Variants in TPD52L1 observed in about 807,000 individuals in gnomAD.
TPD52L1 encodes the protein TPD52 like 1.
TPD52L1 carries 18 observed loss-of-function variants against 28.7 expected under a neutral mutation model. That is an observed-to-expected ratio of 0.63 (90% CI 0.43 to 0.93). TPD52L1 has a LOEUF of 0.93. TPD52L1 is among the 40% of genes least tolerant of loss of function. The probability of loss-of-function intolerance (pLI) is 0.00; values close to 1 mark genes in which losing one functional copy is unlikely to be tolerated. For missense variants in TPD52L1, 203 were observed against 254.8 expected, an observed-to-expected ratio of 0.80 and a Z score of 1.39; for synonymous variants, 75 against 88.8, an observed-to-expected ratio of 0.84 and a Z score of 0.88.
At chr6:125,208,813 C>A in intron 1 of TPD52L1, 1 of 635,588 alleles carries the variant, frequency 1.6e-6, no homozygotes, top group Non-Finnish European at 2.0e-6. Context: ...GGGCCAGGTG[C>A]TGAGAGAGTG....
At chr6:125,168,811 T>A (rs1245579633) in intron 1 of TPD52L1, among the ~76,000 whole-genome samples, 1 of 152,128 alleles carries the variant, frequency 6.6e-6, no homozygotes, top group African/African-American at 2.4e-5. Flanking sequence ...AGATTTTTAT[T>A]TGTTCTTTTT....
In TPD52L1 at chr6:125,263,306, A is replaced by G; in HGVS notation, c.*344A>G. The G allele has an allele frequency of 4.0e-6, 1 of 252,860 alleles. No homozygotes were observed. Among genetic ancestry groups the G allele is most frequent in the South Asian group, 5.4e-5 (1 of 18,646 alleles). The allele number at this position is 252,860 out of a possible 1,614,324, so 15.7% of individuals were successfully genotyped here. A position where few individuals can be genotyped will look rare whatever the true frequency, so the allele number is the denominator to read the frequency against. On this transcript the variant is annotated 3_prime_UTR_variant, in exon 7 of 7. Transcript: ENST00000534000. ...CTTTGATTTTTGCTTGGCCTCCTTT[A>G]TGATGTGCATGTCCTTGAAGGCTGA...
chr6:125,179,763 C>A (rs894488011), intron 1 of TPD52L1, among the ~76,000 whole-genome samples: 2 of 152,100 alleles, frequency 1.3e-5, no homozygotes, highest in African/African-American at 4.8e-5. Flanking sequence ...TTTTTCTGTT[C>A]ATTCAGTTAT....
chr6:125,238,768 A>G (rs1259748382), intron 3 of TPD52L1, among the ~76,000 whole-genome samples: 1 of 152,264 alleles, frequency 6.6e-6, no homozygotes, highest in Non-Finnish European at 1.5e-5. Flanking sequence ...ATTTAAATGT[A>G]GTAGTTTTGG....
chr6:125,250,528 A>T (rs937154632), intron 4 of TPD52L1, among the ~76,000 whole-genome samples: 1 of 152,236 alleles, frequency 6.6e-6, no homozygotes, highest in African/African-American at 2.4e-5. Context: ...GCAGTTTTTT[A>T]TCTTTAAGTG....
chr6:125,217,131 AC>A (rs1582948995), intron 1 of TPD52L1, among the ~76,000 whole-genome samples: 1 of 152,160 alleles, frequency 6.6e-6, no homozygotes, highest in East Asian at 1.9e-4. Context: ...ATGGAGTATG[AC>A]CATTGATCCT....
intron 5 of TPD52L1, among the ~76,000 whole-genome samples, chr6:125,254,878 A>G (rs931316270): frequency 4.6e-5 from 7 of 152,166 alleles, no homozygotes; most frequent in African/African-American, 1.7e-4. Context: ...TAATTAGATA[A>G]ATGTCTGTTC....
chr6:125,237,461 AG>A (rs1796335294), intron 3 of TPD52L1, among the ~76,000 whole-genome samples: 1 of 152,194 alleles, frequency 6.6e-6, no homozygotes, highest in South Asian at 2.1e-4. Flanking sequence ...TGAAAGAAAC[AG>A]AAAGGTTAAA....
chr6:125,167,038 C>A (rs548692745), intron 1 of TPD52L1, among the ~76,000 whole-genome samples: 1 of 152,218 alleles, frequency 6.6e-6, no homozygotes, highest in East Asian at 1.9e-4. Flanking sequence ...AGGAGGACTG[C>A]TTGAACCCAG....
chr6:125,250,837 A>T (rs762598776), intron 4 of TPD52L1, among the ~76,000 whole-genome samples: 24 of 152,234 alleles, frequency 1.6e-4, no homozygotes, highest in Non-Finnish European at 2.4e-4. Flanking sequence ...AGAGGGTACA[A>T]CATTTTCATT....
chr6:125,173,929 G>GTC (rs1413138940), intron 1 of TPD52L1, among the ~76,000 whole-genome samples: 1 of 152,186 alleles, frequency 6.6e-6, no homozygotes, highest in Non-Finnish European at 1.5e-5. Context: ...TAAAGGGCCT[G>GTC]TCACATAAAG....
chr6:125,233,489 G>C (rs1262270645), intron 3 of TPD52L1, among the ~76,000 whole-genome samples: 2 of 152,116 alleles, frequency 1.3e-5, no homozygotes, highest in African/African-American at 4.8e-5. Context: ...TCACATGGTT[G>C]TTCATTCTTT....
At chr6:125,257,297 C>T (rs1230133223) in intron 6 of TPD52L1, 139 bp downstream of exon 6, 6 of 611,586 alleles carry the variant, frequency 9.8e-6, no homozygotes, top group Non-Finnish European at 1.7e-5. Flanking sequence ...ACATATAAAT[C>T]TATGAATAAA....
rs1428750684 is a variant in TPD52L1, at chr6:125,215,657, G to A, written c.20-4421G>A. On this transcript the variant is annotated intron_variant, in intron 1 of 6. Transcript: ENST00000534000. ...CATCAGAGCTGAAGGCCAGTTCAGA[G>A]TTTCTCACTTTGTAAGGTTTATGCG... 2.0e-5 allele frequency among the ~76,000 whole-genome samples: 3 copies of A among 152,296 alleles called. No homozygotes were observed. The East Asian group carries it at 5.8e-4, about 29-fold the overall frequency.
intron 3 of TPD52L1, among the ~76,000 whole-genome samples, chr6:125,237,324 G>A (rs1267884264): frequency 6.6e-6 from 1 of 152,180 alleles, no homozygotes; most frequent in Non-Finnish European, 1.5e-5. Context: ...CAAGAGCCCC[G>A]GTGAGTGATG....
intron 1 of TPD52L1, among the ~76,000 whole-genome samples, chr6:125,179,759 T>G (rs1057117182): frequency 6.6e-5 from 10 of 152,240 alleles, no homozygotes; most frequent in African/African-American, 2.4e-4. Flanking sequence ...ATTCTTTTTC[T>G]GTTCATTCAG....
rs555761523 is a variant in TPD52L1 at position 125,183,653 on chromosome 6, C to T, written c.19+29683C>T. Among the ~76,000 whole-genome samples, 9 of 152,110 alleles carry T rather than the reference C, an allele frequency of 5.9e-5. No homozygotes were observed. The South Asian group carries it at 6.2e-4, about 11-fold the overall frequency. ...TTAAGGGAAGTATTTTTAATGAAAA[C>T]GATGAACAAAAAGCATCACGATTAC... is the stretch of plus-strand genomic sequence containing the variant. On this transcript the variant is annotated intron_variant, in intron 1 of 6. Transcript: ENST00000534000.
Position 125,262,976 on chromosome 6 carries a change from G to A in TPD52L1, c.*14G>A. 1 of 1,609,066 alleles carries A rather than the reference G, an allele frequency of 6.2e-7. No individual in the cohort carries two copies. The highest frequency in any genetic ancestry group is 1.7e-4 in the Middle Eastern group (1 of 6,034). On this transcript the variant is annotated 3_prime_UTR_variant, in exon 7 of 7. Coordinates refer to ENST00000534000, the MANE Select transcript of TPD52L1 (RefSeq NM_003287.4). ...CTGCAGTGCTAAGTCCAGCCAGCGT[G>A]CAGCTGCATCCAGAAACCGGCCACT...
intron 1 of TPD52L1, among the ~76,000 whole-genome samples, chr6:125,190,275 G>A (rs186768814): frequency 4.1e-4 from 63 of 152,202 alleles, no homozygotes; most frequent in Admixed American, 6.5e-4. Flanking sequence ...AAATGAAGCC[G>A]ACCGTTGTCC....
Sources: allele counts gnomAD v4.1 joint callset (sites outside exome capture counted in the v4.1 genomes callset), GRCh38; gene constraint gnomAD v4.1.1; transcripts MANE v1.5; gene names NCBI Gene and HGNC (gene_info 2026-07-23, HGNC 2026-07-21).